GALNT11: variants seen among roughly 807,000 people sequenced by gnomAD.
The protein encoded by GALNT11 is UDP-GalNAc:polypeptide N-acetylgalactosaminyltransferase 11.
In GALNT11, 47 loss-of-function variants were observed where a neutral mutation model predicts 72.7. That is an observed-to-expected ratio of 0.65 (90% CI 0.51 to 0.82). The LOEUF (loss-of-function observed/expected upper bound fraction) is 0.82, where lower values mean the gene tolerates loss of function less well. Among genes scored for constraint, GALNT11 ranks in the 40% least tolerant of loss-of-function variants. The pLI, the probability that GALNT11 is intolerant of heterozygous loss-of-function variation, is 0.00. For missense variants in GALNT11, 677 were observed against 778.4 expected, an observed-to-expected ratio of 0.87 and a Z score of 1.55; for synonymous variants, 270 against 286.6, an observed-to-expected ratio of 0.94 and a Z score of 0.58.
At chr7:152,083,664 C>T (rs1300666730) in intron 1 of GALNT11, among the ~76,000 whole-genome samples, 1 of 152,054 alleles carries the variant, frequency 6.6e-6, no homozygotes, top group Non-Finnish European at 1.5e-5. Context: ...TGGCTATTCC[C>T]TGCTTATTTA....
At chr7:152,095,835 C>T (rs1375631908) in intron 2 of GALNT11, among the ~76,000 whole-genome samples, 1 of 152,076 alleles carries the variant, frequency 6.6e-6, no homozygotes, top group Non-Finnish European at 1.5e-5. Flanking sequence ...TAACAAACTC[C>T]AGCTGCCTAA....
At chr7:152,108,932 T>C (rs2087876951) in intron 6 of GALNT11, among the ~76,000 whole-genome samples, 1 of 152,252 alleles carries the variant, frequency 6.6e-6, no homozygotes, top group African/African-American at 2.4e-5. Flanking sequence ...CTCCAAACAA[T>C]GCCAGGATCT....
At chr7:152,045,746 A>G (rs1219486933) in intron 1 of GALNT11, among the ~76,000 whole-genome samples, 3 of 150,430 alleles carry the variant, frequency 2.0e-5, no homozygotes, top group Non-Finnish European at 4.4e-5. Context: ...TGTTTTGTTG[A>G]TCTTTTGTAT....
intron 5 of GALNT11, among the ~76,000 whole-genome samples, chr7:152,105,789 T>TAA (rs1438083816): frequency 9.9e-5 from 15 of 152,250 alleles, no homozygotes; most frequent in African/African-American, 3.6e-4. Context: ...AGTGCATCCC[T>TAA]CTGGAGCCAC....
At chr7:152,051,385 T>C (rs2083399544) in intron 1 of GALNT11, among the ~76,000 whole-genome samples, 1 of 152,006 alleles carries the variant, frequency 6.6e-6, no homozygotes, top group Non-Finnish European at 1.5e-5. Flanking sequence ...GCTGTTGGGA[T>C]AAATAGAAAA....
In GALNT11 at chr7:152,121,812, G is replaced by C. The variant is rs1587529254; in HGVS notation, c.*135G>C. The C allele has an allele frequency of 1.7e-6, 2 of 1,145,834 alleles. No homozygotes were observed. Among genetic ancestry groups the C allele is most frequent in the Middle Eastern group, 6.0e-4 (2 of 3,346 alleles). 71.0% of individuals were successfully genotyped at this position (1,145,834 alleles called of 1,614,324 possible). Reference sequence around the variant, plus strand: ...GACAGTTCCCTGTCCTCCCGGAGATGCCTGGGTGTGTTAGCAGAGGTGACA... The same window carrying C: ...GACAGTTCCCTGTCCTCCCGGAGATCCCTGGGTGTGTTAGCAGAGGTGACA... On this transcript the variant is annotated 3_prime_UTR_variant, in exon 12 of 12. Coordinates refer to ENST00000430044, the MANE Select transcript of GALNT11 (RefSeq NM_022087.4).
intron 8 of GALNT11, 182 bp from the exon 9 acceptor site, chr7:152,116,975 C>G (rs774021756): frequency 5.7e-6 from 4 of 702,830 alleles, no homozygotes; most frequent in Non-Finnish European, 1.0e-5. Flanking sequence ...CTGAGACTCA[C>G]GAGTTTGAGA....
At chr7:152,065,267 C>T (rs572130063) in intron 1 of GALNT11, among the ~76,000 whole-genome samples, 93 of 152,338 alleles carry the variant, frequency 6.1e-4, no homozygotes, top group African/African-American at 2.2e-3. Context: ...CTTGTGCATT[C>T]ATCACGTAGT....
rs1220552185 is a variant in GALNT11, at chr7:152,063,016, A to G, written c.-38-31174A>G. On this transcript the variant is annotated intron_variant, in intron 1 of 11. Coordinates refer to ENST00000430044, the MANE Select transcript of GALNT11 (RefSeq NM_022087.4). ...GGGAGGATTCCCTCTTTTTCTATTGATAGGAATAGTTTCAGAAGGAATGGT... is the reference window on the plus strand; with the variant it reads ...GGGAGGATTCCCTCTTTTTCTATTGGTAGGAATAGTTTCAGAAGGAATGGT... Among the ~76,000 whole-genome samples the G allele has an allele frequency of 2.6e-5, 4 of 152,108 alleles. No individual in the cohort carries two copies. In the East Asian group the frequency reaches 7.7e-4, roughly 29 times the overall value.
At chr7:152,053,910 T>G (rs921588662) in intron 1 of GALNT11, among the ~76,000 whole-genome samples, 1 of 152,252 alleles carries the variant, frequency 6.6e-6, no homozygotes, top group African/African-American at 2.4e-5. Context: ...ACTTTGAATG[T>G]AAGTATTTAG....
intron 1 of GALNT11, among the ~76,000 whole-genome samples, chr7:152,092,133 G>A (rs967555440): frequency 6.6e-6 from 1 of 152,276 alleles, no homozygotes; most frequent in Admixed American, 6.5e-5. Context: ...AGGATCTCAT[G>A]GCCTGTGGAA....
intron 1 of GALNT11, among the ~76,000 whole-genome samples, chr7:152,090,597 C>T (rs935270451): frequency 1.3e-5 from 2 of 152,170 alleles, no homozygotes; most frequent in African/African-American, 4.8e-5. Context: ...CATGTGGCTC[C>T]TTGACCCCAC....
chr7:152,084,160 T>C (rs2085485239), intron 1 of GALNT11, among the ~76,000 whole-genome samples: 1 of 151,996 alleles, frequency 6.6e-6, no homozygotes, highest in South Asian at 2.1e-4. Flanking sequence ...CTTTGGTGTT[T>C]TTATTTTGGG....
Position 152,048,593 on chromosome 7 carries a change from G to A in GALNT11, c.-39+22709G>A, listed in dbSNP as rs540261162. Reference sequence around the variant, plus strand: ...CACCCAGGCTGGAGTGCAGTGGTGCGATCTCAACTCACTGCAAGCTCCACC... The same window carrying A: ...CACCCAGGCTGGAGTGCAGTGGTGCAATCTCAACTCACTGCAAGCTCCACC... On this transcript the variant is annotated intron_variant, in intron 1 of 11. Coordinates refer to ENST00000430044, the MANE Select transcript of GALNT11 (RefSeq NM_022087.4). 2.1e-4 allele frequency among the ~76,000 whole-genome samples: 32 copies of A among 151,240 alleles called. 1 individual carries two copies. Among genetic ancestry groups the A allele is most frequent in the African/African-American group, 6.8e-4 (28 of 40,996 alleles).
intron 7 of GALNT11, 42 bp downstream of exon 7, chr7:152,110,687 G>A (rs932026187): frequency 7.8e-7 from 1 of 1,288,898 alleles, no homozygotes; most frequent in Non-Finnish European, 1.1e-6. Flanking sequence ...CTGTGTAGTG[G>A]AATATGATTT....
rs756083774 is a variant in GALNT11, at chr7:152,117,292, A to G, written c.1369A>G (p.Ile457Val). The change falls in exon 9 of 12, where the codon ATA (isoleucine) becomes GTA (valine). Residue 457 changes from isoleucine to valine, a missense_variant. Ile to Val is a conservative substitution (Grantham distance 29, BLOSUM62 3). Transcript: ENST00000430044. ...GGATAATGTATACCCAGAGATGCAG[A>G]TATCTGGGTCCCACGCCAAACCCCA... ...YLDNVYPEMQ[I>V]SGSHAKPQQP... 1.2e-6 allele frequency: 2 copies of G among 1,614,186 alleles called. No homozygotes were observed. Among genetic ancestry groups the G allele is most frequent in the South Asian group, 2.2e-5 (2 of 91,086 alleles).
rs374571974 is a variant in GALNT11 at position 152,121,008 on chromosome 7, C to G, written c.1695+40C>G. 3 of 1,593,702 alleles carry G rather than the reference C, an allele frequency of 1.9e-6. No homozygotes were observed. In the African/African-American group the frequency reaches 4.1e-5, roughly 22 times the overall value. On this transcript the variant is annotated intron_variant, in intron 11 of 11. Transcript: ENST00000430044. Reference sequence around the variant, plus strand: ...GTGATGTTGGGAGAATGCGCAGAGGCCCACAAGGTTGAGTGAGGGAGTGTG... The same window carrying G: ...GTGATGTTGGGAGAATGCGCAGAGGGCCACAAGGTTGAGTGAGGGAGTGTG...
intron 10 of GALNT11, chr7:152,119,190 G>A (rs2089190572): frequency 2.0e-5 from 3 of 152,896 alleles, no homozygotes; most frequent in African/African-American, 7.2e-5. Flanking sequence ...ACGAGCCATA[G>A]GAATTTGTTA....
intron 1 of GALNT11, among the ~76,000 whole-genome samples, chr7:152,040,993 A>T (rs1163177130): frequency 1.3e-5 from 2 of 152,112 alleles, no homozygotes; most frequent in Admixed American, 6.5e-5. Flanking sequence ...CAGCTTCTCG[A>T]TCTGTCCCCA....
Sources: allele counts gnomAD v4.1 joint callset (sites outside exome capture counted in the v4.1 genomes callset), GRCh38; gene constraint gnomAD v4.1.1; transcripts MANE v1.5; gene names NCBI Gene and HGNC (gene_info 2026-07-23, HGNC 2026-07-21).